TJP2: variants seen among roughly 807,000 people sequenced by gnomAD.
TJP2 encodes Friedreich ataxia region gene X104 (tight junction protein ZO-2).
In TJP2, 91 loss-of-function variants were observed where a neutral mutation model predicts 133.1. That is an observed-to-expected ratio of 0.68 (90% CI 0.58 to 0.81). TJP2 has a LOEUF of 0.81. TJP2 is among the 40% of genes least tolerant of loss of function. The pLI is 0.00. For missense variants in TJP2, 1,541 were observed against 1,565.6 expected, an observed-to-expected ratio of 0.98 and a Z score of 0.26; for synonymous variants, 592 against 583.4, an observed-to-expected ratio of 1.01 and a Z score of -0.21.
At chr9:69,239,854 A>C in intron 16 of TJP2, 83 bp from the exon 17 acceptor site, 1 of 1,089,020 alleles carries the variant, frequency 9.2e-7, no homozygotes, top group South Asian at 1.3e-5. Flanking sequence ...TATCTCATAC[A>C]GCCTTTACTT....
rs1829679721 is a variant in TJP2 at position 69,230,345 on chromosome 9, C to G, written c.1671+113C>G. ...TTCAGCTGGTGAAATAGAGCAGCTG[C>G]AAGTTTGTTGATGCCCAGCATTGAA... On this transcript the variant is annotated intron_variant, in intron 11 of 22. Transcript: ENST00000377245. 27 of 1,378,956 alleles carry G rather than the reference C, an allele frequency of 2.0e-5. No homozygotes were observed. The South Asian group carries it at 2.6e-4, about 13-fold the overall frequency. The allele number at this position is 1,378,956 out of a possible 1,614,324, so 85.4% of individuals were successfully genotyped here. A position where few individuals can be genotyped will look rare whatever the true frequency, so the allele number is the denominator to read the frequency against.
intron 10 of TJP2, 76 bp from the exon 11 acceptor site, chr9:69,230,006 C>A: frequency 6.4e-7 from 1 of 1,562,258 alleles, no homozygotes; most frequent in Non-Finnish European, 8.8e-7. Flanking sequence ...GAAATTAAAT[C>A]TCTCATTTGC....
At chr9:69,222,878 G>A (rs1018399087) in intron 5 of TJP2, among the ~76,000 whole-genome samples, 1 of 151,836 alleles carries the variant, frequency 6.6e-6, no homozygotes, top group Non-Finnish European at 1.5e-5. Context: ...AGACCAGCCT[G>A]GCCAACATGA....
intron 1 of TJP2, among the ~76,000 whole-genome samples, chr9:69,207,208 T>G (rs1827500614): frequency 6.6e-6 from 1 of 152,232 alleles, no homozygotes; most frequent in African/African-American, 2.4e-5. Context: ...TACCAAAATT[T>G]ACTGTCTGTA....
At chr9:69,137,583 C>T (rs1196513201) in intron 1 of TJP2, among the ~76,000 whole-genome samples, 5 of 151,918 alleles carry the variant, frequency 3.3e-5, no homozygotes, top group Admixed American at 2.6e-4. Flanking sequence ...AGGCTGGTCT[C>T]GAACTCCTGG....
intron 14 of TJP2, among the ~76,000 whole-genome samples, chr9:69,237,354 A>G (rs1415186173): frequency 1.3e-5 from 2 of 152,200 alleles, no homozygotes; most frequent in African/African-American, 4.8e-5. Flanking sequence ...AAAATGTTTT[A>G]ATACCACTGT....
At chr9:69,232,552 A>G (rs62570183) in intron 11 of TJP2, among the ~76,000 whole-genome samples, 13,101 of 152,268 alleles carry the variant, frequency 0.086, 661 homozygotes, top group African/African-American at 0.13. Flanking sequence ...AGTGAGCCTT[A>G]TACACATGCT....
upstream of TJP2, among the ~76,000 whole-genome samples, chr9:69,171,615 C>T (rs1356160664): frequency 6.6e-6 from 1 of 152,106 alleles, no homozygotes; most frequent in African/African-American, 2.4e-5. Context: ...GAAAGCCTTC[C>T]CTAAGTCTCT....
At chr9:69,252,053 A>T (rs1370279263) in intron 21 of TJP2, among the ~76,000 whole-genome samples, 1 of 152,024 alleles carries the variant, frequency 6.6e-6, no homozygotes, top group East Asian at 1.9e-4. Context: ...GGAGTGTAGC[A>T]GTGTGATCAC....
In TJP2 at chr9:69,145,154, C is replaced by T. The variant is rs185277390; in HGVS notation, c.-130-6497C>T. ...TTAATTAATTAATCTTTGCTATTGA[C>T]CCAAGCAAGGAGTTTATAGTGCTTA... On this transcript the variant is annotated intron_variant, in intron 1 of 5. Transcript: ENST00000423935. Among the ~76,000 whole-genome samples the T allele has an allele frequency of 2.7e-3, 413 of 152,204 alleles. 1 individual carries two copies. Among genetic ancestry groups the T allele is most frequent in the African/African-American group, 8.2e-3 (339 of 41,534 alleles).
At chr9:69,223,321 G>A in intron 5 of TJP2, among the ~76,000 whole-genome samples, 1 of 149,582 alleles carries the variant, frequency 6.7e-6, no homozygotes, top group South Asian at 2.1e-4. Context: ...GTTTTGTTTT[G>A]TTTTGAGACG....
At chr9:69,172,801 G>A (rs1159591985), upstream of TJP2, among the ~76,000 whole-genome samples, 1 of 151,888 alleles carries the variant, frequency 6.6e-6, no homozygotes, top group Non-Finnish European at 1.5e-5. Flanking sequence ...TCAAACTCGT[G>A]GGCTCAAGTG....
chr9:69,230,421 A>G (rs543496810), intron 11 of TJP2, among the ~76,000 whole-genome samples, 189 bp downstream of exon 11: 1 of 151,994 alleles, frequency 6.6e-6, no homozygotes, highest in Admixed American at 6.6e-5. Flanking sequence ...GGAACCCAGA[A>G]CTCATCCATG....
At chr9:69,192,226 T>C (rs1173312011) in intron 1 of TJP2, among the ~76,000 whole-genome samples, 1 of 151,618 alleles carries the variant, frequency 6.6e-6, no homozygotes, top group African/African-American at 2.4e-5. Context: ...GGCAGGAGGA[T>C]TGCTCCAGCC....
At chr9:69,201,484 C>T (rs1305670139) in intron 1 of TJP2, among the ~76,000 whole-genome samples, 1 of 151,856 alleles carries the variant, frequency 6.6e-6, no homozygotes, top group African/African-American at 2.4e-5. Flanking sequence ...GTCCCTGGCT[C>T]ATGGAAACCC....
intron 1 of TJP2, among the ~76,000 whole-genome samples, chr9:69,200,391 A>G (rs1826901123): frequency 6.8e-6 from 1 of 146,598 alleles, no homozygotes; most frequent in African/African-American, 2.5e-5. Flanking sequence ...GTGGTTTTTT[A>G]CACCTTTTTT....
intron 2 of TJP2, among the ~76,000 whole-genome samples, chr9:69,169,170 A>G (rs947886846): frequency 1.3e-5 from 2 of 152,208 alleles, no homozygotes; most frequent in Admixed American, 1.3e-4. Context: ...ATGTGTTTAC[A>G]TATCGTTGTC....
intron 2 of TJP2, among the ~76,000 whole-genome samples, chr9:69,156,116 G>C (rs974850971): frequency 4.6e-5 from 7 of 152,224 alleles, no homozygotes; most frequent in African/African-American, 1.7e-4. Context: ...TGTAATCCTA[G>C]CACTTTGGGA....
intron 1 of TJP2, among the ~76,000 whole-genome samples, chr9:69,205,919 AT>A (rs1466905499): frequency 6.6e-6 from 1 of 152,130 alleles, no homozygotes; most frequent in Non-Finnish European, 1.5e-5. Context: ...TACATTCTTT[AT>A]GTAAAATATA....
Sources: allele counts gnomAD v4.1 joint callset (sites outside exome capture counted in the v4.1 genomes callset), GRCh38; gene constraint gnomAD v4.1.1; transcripts MANE v1.5; gene names NCBI Gene and HGNC (gene_info 2026-07-23, HGNC 2026-07-21).